Variants in NDUFAF2 observed in about 807,000 individuals in gnomAD.
NDUFAF2 encodes the protein NADH dehydrogenase [ubiquinone] 1 alpha subcomplex assembly factor 2.
A neutral mutation model predicts 22.8 loss-of-function variants in NDUFAF2; 13 were observed. The ratio of observed to expected loss-of-function variants is 0.57; its 90% CI spans 0.37 to 0.91. The LOEUF (loss-of-function observed/expected upper bound fraction) is 0.91. Among genes scored for constraint, NDUFAF2 ranks in the 40% least tolerant of loss-of-function variants. The pLI, the probability that NDUFAF2 is intolerant of heterozygous loss-of-function variation, is 0.01. For synonymous variants in NDUFAF2, 53 were observed against 64.2 expected (o/e 0.83, Z 0.84); for missense variants, 162 against 195.2 (o/e 0.83, Z 1.01).
intron 1 of NDUFAF2, among the ~76,000 whole-genome samples, chr5:61,040,286 A>ACACACGCGCGCGCGCGCGCGCG (rs1491193758): frequency 8.6e-5 from 8 of 93,074 alleles, no homozygotes; most frequent in African/African-American, 3.0e-4. Context: ...ACACACACAC[A>ACACACGCGCGCGCGCGCGCGCG]CGCGCGCGCG....
chr5:61,073,630 T>C (rs552205288), intron 2 of NDUFAF2, among the ~76,000 whole-genome samples: 2 of 152,372 alleles, frequency 1.3e-5, no homozygotes, highest in South Asian at 4.1e-4. Flanking sequence ...TTATGCATAA[T>C]ACTTGCTGTA....
intron 3 of NDUFAF2, among the ~76,000 whole-genome samples, chr5:61,136,039 A>ATATATATATATATATATATATATC (rs1367597510): frequency 2.9e-5 from 3 of 103,426 alleles, no homozygotes; most frequent in African/African-American, 1.1e-4. Flanking sequence ...ATATATATAT[A>ATATATATATATATATATATATATC]TATCTAGGGT....
intron 3 of NDUFAF2, among the ~76,000 whole-genome samples, chr5:61,149,558 T>C (rs976956075): frequency 1.3e-5 from 2 of 152,116 alleles, no homozygotes; most frequent in African/African-American, 4.8e-5. Flanking sequence ...CATGGTACAA[T>C]ACTAGTGATA....
intron 1 of NDUFAF2, among the ~76,000 whole-genome samples, chr5:60,986,599 A>C (rs1385196483): frequency 6.6e-6 from 1 of 152,126 alleles, no homozygotes; most frequent in African/African-American, 2.4e-5. Flanking sequence ...AAGACAAAAA[A>C]AATAACCAAA....
intron 1 of NDUFAF2, among the ~76,000 whole-genome samples, chr5:60,969,661 C>G (rs1724427736): frequency 6.6e-6 from 1 of 151,738 alleles, no homozygotes; most frequent in Non-Finnish European, 1.5e-5. Context: ...TATTTTTCAC[C>G]CATTCTGTGG....
At chr5:60,986,844 A>C (rs1202622280) in intron 1 of NDUFAF2, among the ~76,000 whole-genome samples, 3 of 151,668 alleles carry the variant, frequency 2.0e-5, no homozygotes, top group African/African-American at 7.3e-5. Context: ...AGGCAGGAGA[A>C]TCGCCTGATT....
chr5:61,079,088 C>G (rs957830501), intron 2 of NDUFAF2, among the ~76,000 whole-genome samples: 7 of 152,244 alleles, frequency 4.6e-5, no homozygotes, highest in African/African-American at 1.7e-4. Flanking sequence ...ATCACATATA[C>G]TCATTAAAAT....
intron 3 of NDUFAF2, among the ~76,000 whole-genome samples, chr5:61,128,287 G>GA (rs57395355): frequency 2.6e-5 from 4 of 151,740 alleles, no homozygotes; most frequent in Admixed American, 2.0e-4. Context: ...CACAGAATTG[G>GA]AAAAAAACTA....
intron 3 of NDUFAF2, among the ~76,000 whole-genome samples, chr5:61,149,180 AG>A (rs1167646708): frequency 6.6e-6 from 1 of 152,178 alleles, no homozygotes; most frequent in Non-Finnish European, 1.5e-5. Flanking sequence ...CATGTTGGCC[AG>A]GCTGGTATCA....
At chr5:61,103,117 A>G (rs1752722197) in intron 3 of NDUFAF2, among the ~76,000 whole-genome samples, 1 of 152,108 alleles carries the variant, frequency 6.6e-6, no homozygotes, top group Admixed American at 6.6e-5. Flanking sequence ...TGAAGGGATC[A>G]ATTTTTAGTC....
Position 61,098,993 on chromosome 5 carries a change from T to C in NDUFAF2, c.219T>C (p.Ala73=), listed in dbSNP as rs748316861. The stretch of plus-strand genomic sequence containing the variant: ...TTTAAATATTATTTTTCTTTCTAGC[T>C]TGGATTAGAAGAACAAGAAAGACTC... The part of the protein sequence containing the change: ...EAGDIPTEWE[A]WIRRTRKTPP... The change falls in exon 3 of 4, where the codon GCT becomes GCC. Residue 73 remains alanine, a splice_region_variant and synonymous_variant. Coordinates refer to ENST00000296597, the MANE Select transcript of NDUFAF2 (RefSeq NM_174889.5). The C allele has an allele frequency of 1.3e-6, 2 of 1,598,732 alleles. No homozygotes were observed. The highest frequency in any genetic ancestry group is 3.4e-5 in the Admixed American group (2 of 59,358).
At chr5:60,996,528 A>T (rs926943843) in intron 1 of NDUFAF2, among the ~76,000 whole-genome samples, 7 of 152,012 alleles carry the variant, frequency 4.6e-5, no homozygotes, top group Non-Finnish European at 8.8e-5. Context: ...GGTGATGCCA[A>T]CACTCCCTTG....
At chr5:61,017,389 C>CT (rs33980282) in intron 1 of NDUFAF2, among the ~76,000 whole-genome samples, 2 of 150,950 alleles carry the variant, frequency 1.3e-5, no homozygotes, top group Non-Finnish European at 3.0e-5. Flanking sequence ...TTTGGGCACA[C>CT]TTTTTTTTTT....
intron 1 of NDUFAF2, among the ~76,000 whole-genome samples, chr5:61,009,679 G>C (rs548840259): frequency 6.6e-5 from 10 of 151,928 alleles, no homozygotes; most frequent in Non-Finnish European, 1.5e-4. Flanking sequence ...CTAATTACTA[G>C]TCGTACTGTA....
intron 1 of NDUFAF2, among the ~76,000 whole-genome samples, chr5:61,071,191 T>G (rs931837548): frequency 5.3e-5 from 8 of 152,218 alleles, no homozygotes; most frequent in Non-Finnish European, 1.5e-5. Context: ...ACCCTAATCC[T>G]TGTTCCTACC....
At chr5:60,994,980 G>A (rs188297286) in intron 1 of NDUFAF2, among the ~76,000 whole-genome samples, 1 of 152,032 alleles carries the variant, frequency 6.6e-6, no homozygotes, top group East Asian at 1.9e-4. Flanking sequence ...GCTGTCAAGG[G>A]ACTCTGCTGC....
chr5:61,025,073 C>G (rs1751632844), intron 1 of NDUFAF2, among the ~76,000 whole-genome samples: 1 of 152,026 alleles, frequency 6.6e-6, no homozygotes, highest in Non-Finnish European at 1.5e-5. Flanking sequence ...CTTCAGCGTT[C>G]CCCTAAATTT....
chr5:61,008,151 G>T (rs1236160125), intron 1 of NDUFAF2, among the ~76,000 whole-genome samples: 1 of 120,782 alleles, frequency 8.3e-6, no homozygotes, highest in Non-Finnish European at 1.6e-5. Context: ...GGGGACTGTT[G>T]TGGGGTGGGG....
At chr5:60,979,965 C>G (rs973859425) in intron 1 of NDUFAF2, among the ~76,000 whole-genome samples, 2 of 151,816 alleles carry the variant, frequency 1.3e-5, no homozygotes, top group African/African-American at 4.9e-5. Context: ...CAGCTCTGCA[C>G]ACAGAGACTC....
Sources: gnomAD v4.1 joint callset for allele counts (sites outside exome capture counted in the v4.1 genomes callset) on GRCh38, gnomAD v4.1.1 for gene constraint, MANE v1.5 for transcripts, NCBI Gene and HGNC (gene_info 2026-07-23, HGNC 2026-07-21) for gene names.